The following C4orf33 variants were observed in gnomAD, a reference collection of about 807,000 sequenced individuals.
C4orf33 encodes UPF0462 protein C4orf33.
C4orf33 carries 20 observed loss-of-function variants against 24.3 expected under a neutral mutation model. The ratio of observed to expected loss-of-function variants is 0.82; its 90% CI spans 0.58 to 1.19. The LOEUF (loss-of-function observed/expected upper bound fraction) is 1.19. Among genes scored for constraint, C4orf33 ranks in the 50% most tolerant of loss-of-function variants. C4orf33 has a pLI of 0.00. For synonymous variants in C4orf33, 67 were observed against 76.4 expected, an observed-to-expected ratio of 0.88 and a Z score of 0.64; for missense variants, 207 against 225.9, an observed-to-expected ratio of 0.92 and a Z score of 0.54.
chr4:129,095,245 C>T (rs763908554), upstream of C4orf33, among the ~76,000 whole-genome samples: 2 of 152,192 alleles, frequency 1.3e-5, no homozygotes, highest in Admixed American at 1.3e-4. Context: ...GATCCCCTCT[C>T]ATGTTCCTCC....
rs914400899 is a variant in C4orf33 at position 129,111,757 on chromosome 4, C to G, written c.566C>G (p.Ser189Ter). 3 of 1,611,688 alleles carry G rather than the reference C, an allele frequency of 1.9e-6. No individual in the cohort carries two copies. The African/African-American group carries it at 4.0e-5, about 22-fold the overall frequency. Residue 189 changes from serine (S) to a stop codon, truncating the protein, a stop_gained, in exon 6 of 6, where the codon TCA becomes TGA. Coordinates refer to ENST00000425929, the MANE Select transcript of C4orf33 (RefSeq NM_001099783.2). LOFTEE classifies it high-confidence loss of function. ...LLGEEWKQPE[S>*]DLWLIEKCDI is the part of the protein sequence containing the mutation. ...GGAGAAGAGTGGAAACAACCGGAAT[C>G]AGACCTGTGGCTAATAGAGAAATGT...
chr4:129,101,844 T>C (rs1753360234), intron 1 of C4orf33, among the ~76,000 whole-genome samples: 1 of 152,182 alleles, frequency 6.6e-6, no homozygotes, highest in African/African-American at 2.4e-5. Flanking sequence ...TCTGTTCCCA[T>C]TTTTCAGTTG....
At chr4:129,109,229 C>A in intron 3 of C4orf33, 78 bp from the exon 4 acceptor site, 1 of 1,335,938 alleles carries the variant, frequency 7.5e-7, no homozygotes, top group Non-Finnish European at 1.1e-6. Context: ...CAAGCACACA[C>A]ATTCCATGTA....
rs1437792765 is a variant in C4orf33, at chr4:129,116,236, A to C, written c.*4445A>C. The C allele has an allele frequency of 6.6e-6, 1 of 152,186 alleles. No individual in the cohort carries two copies. The highest frequency in any genetic ancestry group is 1.5e-5 in the Non-Finnish European group (1 of 68,032). 9.4% of individuals were successfully genotyped at this position (152,186 alleles called of 1,614,324 possible). A position where few individuals can be genotyped will look rare whatever the true frequency, so the allele number is the denominator to read the frequency against. On this transcript the variant is annotated 3_prime_UTR_variant, in exon 6 of 6. Transcript: ENST00000425929. ...AGTAAATTTTTGTCTGATATTTATA[A>C]ATCTAATATGTAATATAAAGGAGAA...
intron 1 of C4orf33, among the ~76,000 whole-genome samples, chr4:129,096,932 A>G (rs975334491): frequency 6.6e-6 from 1 of 152,100 alleles, no homozygotes; most frequent in African/African-American, 2.4e-5. Context: ...TTTTTTTGAG[A>G]CGGAGTCTTG....
Position 129,110,091 on chromosome 4 carries a change from G to A in C4orf33, c.494+419G>A, listed in dbSNP as rs558243093. The A allele has an allele frequency of 1.9e-5, 14 of 754,160 alleles. No homozygotes were observed. In the South Asian group the frequency reaches 7.3e-4, roughly 39 times the overall value. The allele number at this position is 754,160 out of a possible 1,614,324, so 46.7% of individuals were successfully genotyped here. On this transcript the variant is annotated intron_variant, in intron 5 of 5. Coordinates refer to ENST00000425929, the MANE Select transcript of C4orf33 (RefSeq NM_001099783.2). ...GTTATCTCTCTAGTTCTCCTCTTCTGGTAACCTCATAAGGATAAAAATATC... is the reference window on the plus strand; with the variant it reads ...GTTATCTCTCTAGTTCTCCTCTTCTAGTAACCTCATAAGGATAAAAATATC...
At chr4:129,098,884 G>T (rs980268656) in intron 1 of C4orf33, among the ~76,000 whole-genome samples, 55 of 70,100 alleles carry the variant, frequency 7.8e-4, no homozygotes, top group Admixed American at 1.5e-3. Context: ...TGCCACTGTT[G>T]GGAGTTTTTT....
At chr4:129,101,642 C>G (rs2059369296) in intron 1 of C4orf33, among the ~76,000 whole-genome samples, 1 of 152,122 alleles carries the variant, frequency 6.6e-6, no homozygotes, top group African/African-American at 2.4e-5. Context: ...AATAGTTTCT[C>G]TGCAAGTTTG....
At position 129,105,304 on chromosome 4, in the gene C4orf33, T is replaced by C. The variant is rs569762481; in HGVS notation, c.182-1283T>C. On this transcript the variant is annotated intron_variant, in intron 2 of 5. Transcript: ENST00000425929. ...TTTTCTATGAAGACCTTAAACTGAT[T>C]GGATAAGCCCCAGCCACATTATAGA... Among the ~76,000 whole-genome samples the C allele has an allele frequency of 1.4e-4, 22 of 152,276 alleles. No individual in the cohort carries two copies. The South Asian group carries it at 4.1e-3, about 29-fold the overall frequency.
At chr4:129,101,389 A>T (rs1273072941) in intron 1 of C4orf33, among the ~76,000 whole-genome samples, 2 of 152,170 alleles carry the variant, frequency 1.3e-5, no homozygotes, top group Non-Finnish European at 2.9e-5. Flanking sequence ...ACATTCAAAG[A>T]TTTCAGATAA....
At chr4:129,107,725 G>C (rs983041687) in intron 3 of C4orf33, among the ~76,000 whole-genome samples, 10 of 151,872 alleles carry the variant, frequency 6.6e-5, no homozygotes, top group African/African-American at 2.4e-4. Context: ...TTCAACTATT[G>C]TGTGCTTATT....
At chr4:129,103,626 A>G (rs1021387498) in intron 2 of C4orf33, among the ~76,000 whole-genome samples, 7 of 152,202 alleles carry the variant, frequency 4.6e-5, no homozygotes, top group African/African-American at 1.7e-4. Flanking sequence ...AAGCTATCAG[A>G]TTCATCTTTC....
At chr4:129,101,413 T>A (rs1753347144) in intron 1 of C4orf33, among the ~76,000 whole-genome samples, 1 of 152,112 alleles carries the variant, frequency 6.6e-6, no homozygotes, top group Non-Finnish European at 1.5e-5. Flanking sequence ...AAGTTACAGT[T>A]TGGAAAGGTT....
intron 3 of C4orf33, 39 bp downstream of exon 3, chr4:129,106,686 AT>A (rs1753530134): frequency 1.9e-6 from 2 of 1,040,118 alleles, no homozygotes; most frequent in South Asian, 3.0e-5. Flanking sequence ...TTACTACATA[AT>A]TTGAACGTGT....
In C4orf33 at chr4:129,111,559, T is replaced by TA. The variant is rs563618503; in HGVS notation, c.495-126dup. On this transcript the variant is annotated intron_variant, in intron 5 of 5. Coordinates refer to ENST00000425929, the MANE Select transcript of C4orf33 (RefSeq NM_001099783.2). ...AAAACTGTACATATAAAATATATCT[T>TA]ACCTTTAGTATTGCTTAAAATAGAA... is the stretch of plus-strand genomic sequence containing the variant. 2.7e-5 allele frequency: 15 copies of TA among 551,198 alleles called. No individual in the cohort carries two copies. The South Asian group carries it at 4.3e-4, about 16-fold the overall frequency. The allele number at this position is 551,198 out of a possible 1,614,324, so 34.1% of individuals were successfully genotyped here.
chr4:129,113,286 A>G lies in C4orf33; in HGVS notation c.*1495A>G, dbSNP rs1323136859. ...TTTAAACATCTCTTAACTTTCTTTC[A>G]TCTAGATAAGGCATTTCCTTTTCTT... On this transcript the variant is annotated 3_prime_UTR_variant, in exon 6 of 6. Coordinates refer to ENST00000425929, the MANE Select transcript of C4orf33 (RefSeq NM_001099783.2). The G allele has an allele frequency of 1.3e-5, 2 of 152,172 alleles. No homozygotes were observed. The highest frequency in any genetic ancestry group is 2.9e-5 in the Non-Finnish European group (2 of 68,020). The allele number at this position is 152,172 out of a possible 1,614,324, so 9.4% of individuals were successfully genotyped here. A position where few individuals can be genotyped will look rare whatever the true frequency, so the allele number is the denominator to read the frequency against.
chr4:129,102,177 G>A (rs1299471919), intron 1 of C4orf33: 3 of 152,650 alleles, frequency 2.0e-5, no homozygotes, highest in East Asian at 1.9e-4. Context: ...AGAACCCATG[G>A]TGCTTATAGT....
chr4:129,094,386 G>A (rs951553302), upstream of C4orf33, among the ~76,000 whole-genome samples: 27 of 152,178 alleles, frequency 1.8e-4, no homozygotes, highest in African/African-American at 6.3e-4. Context: ...CACTAGTTTT[G>A]TGCTTTTAAT....
intron 1 of C4orf33, among the ~76,000 whole-genome samples, chr4:129,097,318 C>G (rs568187887): frequency 1.6e-4 from 24 of 152,330 alleles, no homozygotes; most frequent in African/African-American, 5.8e-4. Context: ...AAGCCTTCCT[C>G]CTTCCCATAT....
Sources: gnomAD v4.1 joint callset for allele counts (sites outside exome capture counted in the v4.1 genomes callset) on GRCh38, gnomAD v4.1.1 for gene constraint, MANE v1.5 for transcripts, NCBI Gene and HGNC (gene_info 2026-07-23, HGNC 2026-07-21) for gene names.